The following PLEKHA6 variants were observed in gnomAD, a reference collection of about 807,000 sequenced individuals.
PLEKHA6 encodes the protein pleckstrin homology domain-containing family A member 6.
PLEKHA6 carries 60 observed loss-of-function variants against 116.7 expected under a neutral mutation model. That is an observed-to-expected ratio of 0.51 (90% CI 0.42 to 0.64). The LOEUF is 0.64. Ranked by LOEUF, PLEKHA6 falls within the 30% of genes least tolerant of loss-of-function variation. The pLI, the probability that PLEKHA6 is intolerant of heterozygous loss-of-function variation, is 0.00. For missense variants in PLEKHA6, 1,338 were observed against 1,422.7 expected, an observed-to-expected ratio of 0.94 and a Z score of 0.96; for synonymous variants, 489 against 556.1, an observed-to-expected ratio of 0.88 and a Z score of 1.70.
In PLEKHA6 at chr1:204,280,954, T is replaced by C. The variant is rs559583831; in HGVS notation, c.-94-6145A>G. 12 of 961,316 alleles carry C rather than the reference T, an allele frequency of 1.2e-5. No homozygotes were observed. The East Asian group carries it at 5.8e-4, about 46-fold the overall frequency. 59.5% of individuals were successfully genotyped at this position (961,316 alleles called of 1,614,324 possible). A position where few individuals can be genotyped will look rare whatever the true frequency, so the allele number is the denominator to read the frequency against. On this transcript the variant is annotated intron_variant, in intron 1 of 22. Coordinates refer to ENST00000272203, the MANE Select transcript of PLEKHA6 (RefSeq NM_014935.5). ...TGTTTTCCTACCTATTGCTGCCACA[T>C]AAAGAAGAGGTCAAAGAGGGTCAGG...
intron 15 of PLEKHA6, among the ~76,000 whole-genome samples, chr1:204,243,465 G>A (rs148895461): frequency 2.6e-4 from 39 of 152,246 alleles, no homozygotes; most frequent in Non-Finnish European, 4.6e-4. Context: ...GGCCTTCCTT[G>A]ACCCAGCCTC....
intron 4 of PLEKHA6, 120 bp downstream of exon 4, chr1:204,268,087 TC>T: frequency 1.8e-6 from 1 of 566,334 alleles, no homozygotes. Flanking sequence ...GGAGACTCAT[TC>T]ACAGAGACAG....
At chr1:204,247,737 C>G (rs1464827427) in intron 12 of PLEKHA6, among the ~76,000 whole-genome samples, 2 of 152,136 alleles carry the variant, frequency 1.3e-5, no homozygotes, top group South Asian at 2.1e-4. Context: ...CTCCCCAGAT[C>G]AGCGGATAAA....
chr1:204,304,698 C>T (rs1210135315), intron 1 of PLEKHA6, among the ~76,000 whole-genome samples: 2 of 152,138 alleles, frequency 1.3e-5, no homozygotes, highest in African/African-American at 4.8e-5. Flanking sequence ...CTGTCACAGA[C>T]CAAAACTTGG....
At chr1:204,294,517 C>A (rs1331913029) in intron 1 of PLEKHA6, among the ~76,000 whole-genome samples, 3 of 152,222 alleles carry the variant, frequency 2.0e-5, no homozygotes, top group East Asian at 3.8e-4. Context: ...CAGGACACAG[C>A]CCAAAGCCAG....
intron 1 of PLEKHA6, among the ~76,000 whole-genome samples, chr1:204,373,209 C>G (rs538146917): frequency 1.2e-3 from 188 of 152,108 alleles, no homozygotes; most frequent in African/African-American, 4.0e-3. Flanking sequence ...CCACCTCAGC[C>G]ACCCAAGTAG....
intron 1 of PLEKHA6, among the ~76,000 whole-genome samples, chr1:204,352,232 G>A (rs1003623618): frequency 7.3e-5 from 11 of 150,980 alleles, no homozygotes; most frequent in South Asian, 4.2e-4. Flanking sequence ...AAATTAGCCC[G>A]GCATGGTGGC....
intron 1 of PLEKHA6, among the ~76,000 whole-genome samples, chr1:204,321,300 A>G (rs1316216258): frequency 6.6e-6 from 1 of 152,068 alleles, no homozygotes; most frequent in Non-Finnish European, 1.5e-5. Flanking sequence ...ACATGACCAT[A>G]AGGATGGGAG....
chr1:204,264,546 C>T (rs1231071891), intron 6 of PLEKHA6, among the ~76,000 whole-genome samples: 1 of 152,072 alleles, frequency 6.6e-6, no homozygotes, highest in Non-Finnish European at 1.5e-5. Flanking sequence ...GGTCTCAGAA[C>T]CCACCAGCCA....
intron 10 of PLEKHA6, among the ~76,000 whole-genome samples, chr1:204,249,943 C>T (rs769456207): frequency 3.3e-5 from 5 of 152,204 alleles, no homozygotes; most frequent in Non-Finnish European, 4.4e-5. Flanking sequence ...AGATTTTACC[C>T]TCTGGGCCTT....
At chr1:204,247,221 G>A (rs1663817752) in intron 13 of PLEKHA6, 144 bp downstream of exon 13, 2 of 567,218 alleles carry the variant, frequency 3.5e-6, no homozygotes, top group Non-Finnish European at 6.4e-6. Flanking sequence ...CTTCCCCTGT[G>A]AGATGAACCT....
chr1:204,236,843 C>T (rs1352344263), intron 17 of PLEKHA6, among the ~76,000 whole-genome samples: 2 of 152,196 alleles, frequency 1.3e-5, no homozygotes, highest in African/African-American at 2.4e-5. Flanking sequence ...ATCACAGCCT[C>T]TCAGTCAATT....
At chr1:204,301,640 G>A (rs1372996534) in intron 1 of PLEKHA6, 3 of 183,504 alleles carry the variant, frequency 1.6e-5, no homozygotes, top group African/African-American at 2.4e-5. Flanking sequence ...GGGGGCTTGA[G>A]TTTATGAGGA....
At chr1:204,351,890 A>C (rs10793761) in intron 1 of PLEKHA6, among the ~76,000 whole-genome samples, 85,265 of 151,998 alleles carry the variant, frequency 0.56, 26,439 homozygotes, top group East Asian at 0.82. Flanking sequence ...CATGCCCAAC[A>C]TGGTAAAAAC....
chr1:204,334,841 T>C (rs1284518408), intron 1 of PLEKHA6, among the ~76,000 whole-genome samples: 1 of 152,096 alleles, frequency 6.6e-6, no homozygotes, highest in Non-Finnish European at 1.5e-5. Context: ...GGAGGTTACA[T>C]GAGCCAAGAT....
At chr1:204,275,092 A>AGT in intron 1 of PLEKHA6, 1 of 218,014 alleles carries the variant, frequency 4.6e-6, no homozygotes, top group South Asian at 1.6e-4. Flanking sequence ...GAACTCTTTC[A>AGT]GTGGTTATCC....
rs564359359 is a variant in PLEKHA6, at chr1:204,228,573, C to G, written c.2885+155G>C. ...TAGCACCTGACAGCAGCATCCTTGCCTCTGCCGGTAGCTGGGCCCTGTCTG... is the reference window on the plus strand; with the variant it reads ...TAGCACCTGACAGCAGCATCCTTGCGTCTGCCGGTAGCTGGGCCCTGTCTG... On this transcript the variant is annotated intron_variant, in intron 20 of 22. Transcript: ENST00000272203. This position sits in a 1 kb window ranked among gnomAD's most constrained non-coding sequence, Gnocchi z 4.0. Among the ~76,000 whole-genome samples the G allele has an allele frequency of 1.3e-5, 2 of 152,086 alleles. No individual in the cohort carries two copies. Among genetic ancestry groups the G allele is most frequent in the African/African-American group, 4.8e-5 (2 of 41,400 alleles).
chr1:204,336,592 G>GCA, intron 1 of PLEKHA6, among the ~76,000 whole-genome samples: 1 of 151,388 alleles, frequency 6.6e-6, no homozygotes, highest in East Asian at 1.9e-4. Flanking sequence ...GTGTGTGCAC[G>GCA]CACATACATA....
At chr1:204,295,047 G>A (rs945970975) in intron 1 of PLEKHA6, among the ~76,000 whole-genome samples, 1 of 152,202 alleles carries the variant, frequency 6.6e-6, no homozygotes, top group Admixed American at 6.5e-5. Flanking sequence ...TTAGGAGCCA[G>A]AACAATTAAC....
Sources: allele counts gnomAD v4.1 joint callset (sites outside exome capture counted in the v4.1 genomes callset), GRCh38; gene constraint gnomAD v4.1.1; non-coding constraint Gnocchi (gnomAD v3.1); transcripts MANE v1.5; gene names NCBI Gene and HGNC (gene_info 2026-07-23, HGNC 2026-07-21).